The following SYT17 variants were observed in gnomAD, a reference collection of about 807,000 sequenced individuals.
SYT17 encodes synaptotagmin 17.
SYT17 carries 22 observed loss-of-function variants against 46.7 expected under a neutral mutation model. That is an observed-to-expected ratio of 0.47 (90% CI 0.34 to 0.67). The LOEUF (loss-of-function observed/expected upper bound fraction) is 0.67. Ranked by LOEUF, SYT17 falls within the 30% of genes least tolerant of loss-of-function variation. The pLI is 0.01. For synonymous variants in SYT17, 251 were observed against 248.4 expected, an observed-to-expected ratio of 1.01 and a Z score of -0.10; for missense variants, 519 against 612.8, an observed-to-expected ratio of 0.85 and a Z score of 1.62.
At chr16:19,198,293 G>A (rs1288089813) in intron 5 of SYT17, among the ~76,000 whole-genome samples, 1 of 152,158 alleles carries the variant, frequency 6.6e-6, no homozygotes, top group East Asian at 1.9e-4. Flanking sequence ...ATTGTTGGCA[G>A]TCAGACTTAG....
At position 19,223,110 on chromosome 16, in the gene SYT17, T is replaced by G. The variant is rs1966382578; in HGVS notation, c.1017T>G (p.Asn339Lys). ...ATCTCCCAAGTGCTGGCAGACTGAA[T>G]GTTGATGTCATTCGAGCCAAGCAAC... ...LNYLPSAGRL[N>K]VDVIRAKQLL... Residue 339 changes from asparagine to lysine, a missense_variant, in exon 6 of 8, where the codon AAT becomes AAG. Physicochemically the swap from Asn to Lys is moderately conservative, Grantham distance 94 (BLOSUM62 0). Coordinates refer to ENST00000355377, the MANE Select transcript of SYT17 (RefSeq NM_016524.4). The G allele has an allele frequency of 6.2e-7, 1 of 1,613,932 alleles. No individual in the cohort carries two copies. The highest frequency in any genetic ancestry group is 8.5e-7 in the Non-Finnish European group (1 of 1,179,950).
chr16:19,216,796 G>A (rs951415164), intron 5 of SYT17, among the ~76,000 whole-genome samples: 1 of 152,184 alleles, frequency 6.6e-6, no homozygotes, highest in African/African-American at 2.4e-5. Context: ...GGACATTGGG[G>A]TTGGTTCCAA....
At chr16:19,211,475 G>A in intron 5 of SYT17, 1 of 703,874 alleles carries the variant, frequency 1.4e-6, no homozygotes, top group East Asian at 2.7e-5. Context: ...TACCGTGAAG[G>A]AAATGACAAG....
chr16:19,230,014 C>T (rs575274510), intron 7 of SYT17, among the ~76,000 whole-genome samples: 2 of 152,162 alleles, frequency 1.3e-5, no homozygotes, highest in South Asian at 4.1e-4. Flanking sequence ...TAGTCAAACT[C>T]ATAGACAGAA....
At position 19,168,912 on chromosome 16, in the gene SYT17, A is replaced by T. The variant is rs1596875032; in HGVS notation, c.15+251A>T. 2.0e-5 allele frequency among the ~76,000 whole-genome samples: 3 copies of T among 151,218 alleles called. No homozygotes were observed. Among genetic ancestry groups the T allele is most frequent in the African/African-American group, 7.3e-5 (3 of 41,206 alleles). ...CAACGCGCGCCCTTGCCTCTTGGGG[A>T]GGGAATGGGGGGTGGGGCGGACTTT... is the stretch of plus-strand genomic sequence containing the variant. On this transcript the variant is annotated intron_variant, in intron 1 of 7. Coordinates refer to ENST00000355377, the MANE Select transcript of SYT17 (RefSeq NM_016524.4). This position sits in a 1 kb window ranked among gnomAD's most constrained non-coding sequence, Gnocchi z 6.9.
chr16:19,180,746 C>G (rs567910221), intron 4 of SYT17, among the ~76,000 whole-genome samples: 1 of 152,102 alleles, frequency 6.6e-6, no homozygotes, highest in African/African-American at 2.4e-5. Context: ...CAAAAGCAAT[C>G]ATTTTGATTG....
intron 5 of SYT17, chr16:19,211,536 T>C: frequency 1.4e-6 from 1 of 698,200 alleles, no homozygotes; most frequent in South Asian, 1.5e-5. Context: ...AACTGAGTGT[T>C]AATGGGAAGC....
At chr16:19,189,938 T>C (rs1163404018) in intron 5 of SYT17, among the ~76,000 whole-genome samples, 1 of 152,216 alleles carries the variant, frequency 6.6e-6, no homozygotes, top group Non-Finnish European at 1.5e-5. Flanking sequence ...TGCAACATCC[T>C]ACCTGACTGC....
chr16:19,220,344 C>T (rs1482054217), intron 5 of SYT17, among the ~76,000 whole-genome samples: 6 of 129,256 alleles, frequency 4.6e-5, no homozygotes, highest in Non-Finnish European at 9.3e-5. Flanking sequence ...GCTCTGGTGC[C>T]TGGGCTGCAG....
chr16:19,198,184 T>G (rs1428651609), intron 5 of SYT17, among the ~76,000 whole-genome samples: 1 of 152,198 alleles, frequency 6.6e-6, no homozygotes, highest in Non-Finnish European at 1.5e-5. Flanking sequence ...TATATGAAAT[T>G]GACCAGTGTC....
At chr16:19,250,996 C>A (rs949589629) in intron 7 of SYT17, among the ~76,000 whole-genome samples, 1 of 152,114 alleles carries the variant, frequency 6.6e-6, no homozygotes, top group Non-Finnish European at 1.5e-5. Context: ...GCATTATCTT[C>A]GTGAAATTTG....
At chr16:19,228,700 T>C (rs1357141378) in intron 7 of SYT17, among the ~76,000 whole-genome samples, 3 of 152,314 alleles carry the variant, frequency 2.0e-5, no homozygotes, top group Non-Finnish European at 4.4e-5. Flanking sequence ...TGGAATAATA[T>C]GAGAAAGGTG....
In SYT17 at chr16:19,224,897, T is replaced by C; in HGVS notation, c.1228+59T>C. On this transcript the variant is annotated intron_variant, in intron 7 of 7. Coordinates refer to ENST00000355377, the MANE Select transcript of SYT17 (RefSeq NM_016524.4). Reference sequence around the variant, plus strand: ...GTGAGGCACGTCAAACTTACTGTCCTAGAGCCAGAAGGCATCTAGAGAGAG... The same window carrying C: ...GTGAGGCACGTCAAACTTACTGTCCCAGAGCCAGAAGGCATCTAGAGAGAG... The C allele has an allele frequency of 4.4e-6, 7 of 1,592,118 alleles. No individual in the cohort carries two copies. In the South Asian group the frequency reaches 7.8e-5, roughly 18 times the overall value.
intron 7 of SYT17, among the ~76,000 whole-genome samples, chr16:19,233,559 G>T (rs890618939): frequency 6.6e-6 from 1 of 152,114 alleles, no homozygotes; most frequent in African/African-American, 2.4e-5. Context: ...AGGAGGCTGA[G>T]GTGGGAGGAT....
At chr16:19,264,007 G>A (rs143206339) in intron 7 of SYT17, among the ~76,000 whole-genome samples, 94 of 152,318 alleles carry the variant, frequency 6.2e-4, no homozygotes, top group African/African-American at 2.2e-3. Flanking sequence ...AGGTCATGAA[G>A]GTTGGAGCCC....
intron 7 of SYT17, among the ~76,000 whole-genome samples, chr16:19,242,478 A>G (rs1160771470): frequency 6.6e-6 from 1 of 152,174 alleles, no homozygotes; most frequent in Non-Finnish European, 1.5e-5. Flanking sequence ...GGTCTGAGCA[A>G]TTAGCAGAGA....
chr16:19,202,520 A>G (rs1316462506), intron 5 of SYT17, among the ~76,000 whole-genome samples: 1 of 152,190 alleles, frequency 6.6e-6, no homozygotes, highest in Non-Finnish European at 1.5e-5. Flanking sequence ...TTATATGGAG[A>G]TACCATTATA....
chr16:19,177,402 A>G (rs757363427), intron 3 of SYT17, among the ~76,000 whole-genome samples: 5 of 152,214 alleles, frequency 3.3e-5, no homozygotes, highest in Admixed American at 6.5e-5. Flanking sequence ...CAGTTTTGAC[A>G]CTCAGCATAA....
chr16:19,198,775 G>A (rs1047738530), intron 5 of SYT17, among the ~76,000 whole-genome samples: 3 of 152,238 alleles, frequency 2.0e-5, no homozygotes. Context: ...GTGGCATGAG[G>A]CAAGGCCTCA....
Sources: allele counts gnomAD v4.1 joint callset (sites outside exome capture counted in the v4.1 genomes callset), GRCh38; gene constraint gnomAD v4.1.1; non-coding constraint Gnocchi (gnomAD v3.1); transcripts MANE v1.5; gene names NCBI Gene and HGNC (gene_info 2026-07-23, HGNC 2026-07-21).